Variants in CNIH3 observed in about 807,000 individuals in gnomAD.
CNIH3 encodes protein cornichon homolog 3.
Under a neutral mutation model 24.1 loss-of-function variants are expected in CNIH3, and 14 were observed. The ratio of observed to expected loss-of-function variants is 0.58; its 90% confidence interval spans 0.38 to 0.91. CNIH3 has a LOEUF of 0.91. Ranked by LOEUF, CNIH3 falls within the 40% of genes least tolerant of loss-of-function variation. The probability of loss-of-function intolerance (pLI) is 0.00; values close to 1 mark genes in which losing one functional copy is unlikely to be tolerated. For missense variants in CNIH3, 178 were observed against 196.8 expected (o/e 0.90, Z 0.57); for synonymous variants, 68 against 73.8 (o/e 0.92, Z 0.40).
chr1:224,590,631 T>C (rs1681712900), downstream of CNIH3, among the ~76,000 whole-genome samples: 2 of 152,272 alleles, frequency 1.3e-5, no homozygotes, highest in African/African-American at 4.8e-5. Flanking sequence ...AAGCCCTTTT[T>C]ATAATTGGCA....
intron 3 of CNIH3, among the ~76,000 whole-genome samples, chr1:224,701,778 T>C (rs1285935610): frequency 1.3e-5 from 2 of 152,080 alleles, no homozygotes; most frequent in East Asian, 1.9e-4. Context: ...GAGGAGGAAA[T>C]TGAGGGACAG....
chr1:224,630,423 T>G (rs1343172514), intron 1 of CNIH3, among the ~76,000 whole-genome samples: 1 of 152,130 alleles, frequency 6.6e-6, no homozygotes, highest in Non-Finnish European at 1.5e-5. Flanking sequence ...TATTTTTTAA[T>G]GTTTTTCAGC....
chr1:224,534,111 G>A (rs1679188639), intron 2 of CNIH3, among the ~76,000 whole-genome samples: 1 of 152,212 alleles, frequency 6.6e-6, no homozygotes, highest in African/African-American at 2.4e-5. Flanking sequence ...GCTTCAGTGA[G>A]CCATGATCAT....
Position 224,643,350 on chromosome 1 carries a change from C to T in CNIH3, c.81+26095C>T, listed in dbSNP as rs191099487. 2.1e-3 allele frequency among the ~76,000 whole-genome samples: 320 copies of T among 152,332 alleles called. 1 individual carries two copies. Among genetic ancestry groups the T allele is most frequent in the African/African-American group, 7.1e-3 (296 of 41,568 alleles). On this transcript the variant is annotated intron_variant, in intron 1 of 5. Coordinates refer to ENST00000272133, the MANE Select transcript of CNIH3 (RefSeq NM_152495.2). ...TTTATTTGCAGCATCTTTTGGACAT[C>T]GGTTCCAGTCACATCTACATGAGGC...
At chr1:224,735,562 C>A (rs368932811) in intron 5 of CNIH3, among the ~76,000 whole-genome samples, 1 of 152,260 alleles carries the variant, frequency 6.6e-6, no homozygotes, top group East Asian at 1.9e-4. Flanking sequence ...GAGGAGGGGT[C>A]GGGATGTTGG....
intron 2 of CNIH3, among the ~76,000 whole-genome samples, chr1:224,523,669 G>A (rs1678730996): frequency 6.6e-6 from 1 of 152,212 alleles, no homozygotes. Flanking sequence ...GCTGTAAGAT[G>A]TGTGATCTCT....
At chr1:224,482,337 A>G (rs765498693) in intron 1 of CNIH3, among the ~76,000 whole-genome samples, 9 of 151,954 alleles carry the variant, frequency 5.9e-5, no homozygotes, top group Non-Finnish European at 8.8e-5. Flanking sequence ...ACAGCTGTGA[A>G]TGTGCGGGGT....
At chr1:224,671,544 G>A (rs1301078851) in intron 1 of CNIH3, among the ~76,000 whole-genome samples, 3 of 152,204 alleles carry the variant, frequency 2.0e-5, no homozygotes, top group African/African-American at 2.4e-5. Context: ...GGTGAGGACT[G>A]GCCCCAGCAC....
intron 3 of CNIH3, among the ~76,000 whole-genome samples, chr1:224,602,249 A>G (rs912255685): frequency 1.3e-5 from 2 of 152,052 alleles, no homozygotes; most frequent in African/African-American, 4.8e-5. Context: ...CTAAAATGCA[A>G]TGTATGCTTG....
In CNIH3 at chr1:224,578,835, G is replaced by A. The variant is rs558389992; in HGVS notation, n.517-4329G>A. ...GTCTTTCTCCTCTTTCTGAAAGCTT[G>A]TAGGATTTTCTCTTTGGTTGTCTAA... On this transcript the variant is annotated intron_variant and non_coding_transcript_variant, in intron 4 of 5. Coordinates refer to the CNIH3 transcript ENST00000471578. Among the ~76,000 whole-genome samples the A allele has an allele frequency of 2.0e-5, 3 of 152,200 alleles. No individual in the cohort carries two copies. The East Asian group carries it at 5.8e-4, about 29-fold the overall frequency.
At chr1:224,483,706 G>A (rs535384417) in intron 1 of CNIH3, among the ~76,000 whole-genome samples, 2 of 152,094 alleles carry the variant, frequency 1.3e-5, no homozygotes, top group African/African-American at 2.4e-5. Flanking sequence ...CTGATTTTTG[G>A]TTCTTATGAA....
At chr1:224,498,332 T>G (rs1388356930) in intron 1 of CNIH3, among the ~76,000 whole-genome samples, 1 of 152,146 alleles carries the variant, frequency 6.6e-6, no homozygotes, top group African/African-American at 2.4e-5. Flanking sequence ...GCAACACTAA[T>G]GAATCACTGC....
chr1:224,498,731 A>T (rs1677534356), intron 1 of CNIH3, among the ~76,000 whole-genome samples: 1 of 152,248 alleles, frequency 6.6e-6, no homozygotes, highest in Non-Finnish European at 1.5e-5. Context: ...ACGGGCAGCC[A>T]GGTTACCATG....
intron 1 of CNIH3, among the ~76,000 whole-genome samples, chr1:224,674,733 G>A (rs1457871441): frequency 6.6e-6 from 1 of 151,970 alleles, no homozygotes; most frequent in African/African-American, 2.4e-5. Flanking sequence ...TTCACTTCTA[G>A]CGTGTTCTCT....
intron 3 of CNIH3, among the ~76,000 whole-genome samples, chr1:224,710,307 C>T (rs1032408354): frequency 6.6e-6 from 1 of 152,240 alleles, no homozygotes; most frequent in Non-Finnish European, 1.5e-5. Flanking sequence ...AGCCCTCCTC[C>T]TCCAGGCCAC....
chr1:224,616,733 C>T lies in CNIH3; in HGVS notation c.-442C>T. The T allele has an allele frequency of 2.0e-6, 2 of 999,886 alleles. No homozygotes were observed. The highest frequency in any genetic ancestry group is 2.4e-6 in the Non-Finnish European group (2 of 839,740). The allele number at this position is 999,886 out of a possible 1,614,324, so 61.9% of individuals were successfully genotyped here. ...TGGCGCGGGAGGGTCCGGAGCGGAG[C>T]GCTCGTCTCTCCTCAGCGGTTTAGT... On this transcript the variant is annotated 5_prime_UTR_variant, in exon 1 of 6. Coordinates refer to ENST00000272133, the MANE Select transcript of CNIH3 (RefSeq NM_152495.2).
chr1:224,466,279 C>G (rs1050376955), intron 1 of CNIH3, among the ~76,000 whole-genome samples: 1 of 152,210 alleles, frequency 6.6e-6, no homozygotes, highest in African/African-American at 2.4e-5. Flanking sequence ...ATAACCCCAG[C>G]AGCCATTCTT....
intron 1 of CNIH3, among the ~76,000 whole-genome samples, chr1:224,649,407 T>C (rs1684762813): frequency 6.6e-6 from 1 of 152,232 alleles, no homozygotes; most frequent in Non-Finnish European, 1.5e-5. Flanking sequence ...AGACCCATTT[T>C]GGACTTCTGA....
intron 3 of CNIH3, among the ~76,000 whole-genome samples, chr1:224,553,008 A>G (rs1679988185): frequency 6.6e-6 from 1 of 150,594 alleles, no homozygotes; most frequent in Non-Finnish European, 1.5e-5. Flanking sequence ...CTGTGATATT[A>G]GGAGCAATAC....
Sources: allele counts gnomAD v4.1 joint callset (sites outside exome capture counted in the v4.1 genomes callset), GRCh38; gene constraint gnomAD v4.1.1; transcripts MANE v1.5; gene names NCBI Gene and HGNC (gene_info 2026-07-23, HGNC 2026-07-21).